The following ANGPT1 variants were observed in gnomAD, a reference collection of about 807,000 sequenced individuals.
The protein encoded by ANGPT1 is angiopoietin-1.
Under a neutral mutation model 62.2 loss-of-function variants are expected in ANGPT1, and 17 were observed. That is an observed-to-expected ratio of 0.27 (90% confidence interval 0.19 to 0.41). The LOEUF is 0.41. ANGPT1 is among the 10% of genes least tolerant of loss of function. The pLI is 1.00. For missense variants in ANGPT1, 478 were observed against 594.9 expected, an observed-to-expected ratio of 0.80 and a Z score of 2.04; for synonymous variants, 199 against 198.9, an observed-to-expected ratio of 1.00 and a Z score of 0.00.
At chr8:107,391,855 G>T (rs1385630186) in intron 1 of ANGPT1, among the ~76,000 whole-genome samples, 2 of 152,104 alleles carry the variant, frequency 1.3e-5, no homozygotes, top group Non-Finnish European at 2.9e-5. Flanking sequence ...GTGTGAATTT[G>T]TGTATCTAAA....
rs377164980 is a variant in ANGPT1 at position 107,443,946 on chromosome 8, T to A, written c.297+53316A>T. Among the ~76,000 whole-genome samples, 52 of 152,308 alleles carry A rather than the reference T, an allele frequency of 3.4e-4. 1 individual carries two copies. The East Asian group carries it at 5.0e-3, about 15-fold the overall frequency. ...AACACAAAATGAATTCTCGTTAATG[T>A]CTTCTCTCAGATTTTAAGTACAGAT... On this transcript the variant is annotated intron_variant, in intron 1 of 8. Transcript: ENST00000517746.
intron 5 of ANGPT1, chr8:107,294,765 T>C (rs114954924): frequency 2.0e-5 from 3 of 152,284 alleles, no homozygotes; most frequent in Non-Finnish European, 2.9e-5. Flanking sequence ...CAAAATACAA[T>C]GGTATTTATT....
intron 1 of ANGPT1, among the ~76,000 whole-genome samples, chr8:107,383,736 T>A (rs1402112073): frequency 6.6e-6 from 1 of 152,158 alleles, no homozygotes; most frequent in Non-Finnish European, 1.5e-5. Context: ...ATTTTATATA[T>A]GAAAGGTTGA....
chr8:107,451,318 C>CAG (rs1036699923), intron 1 of ANGPT1, among the ~76,000 whole-genome samples: 2 of 149,764 alleles, frequency 1.3e-5, no homozygotes, highest in African/African-American at 4.9e-5. Context: ...ACATAACAGA[C>CAG]ACACACACAC....
chr8:107,458,901 C>G (rs1266202100), intron 1 of ANGPT1, among the ~76,000 whole-genome samples: 1 of 152,004 alleles, frequency 6.6e-6, no homozygotes, highest in Non-Finnish European at 1.5e-5. Context: ...ACTAGGGCCC[C>G]AAAAGTTTAA....
intron 3 of ANGPT1, among the ~76,000 whole-genome samples, chr8:107,326,791 A>C (rs1815300638): frequency 6.6e-6 from 1 of 152,166 alleles, no homozygotes; most frequent in African/African-American, 2.4e-5. Flanking sequence ...ACAGACCCTC[A>C]TGGATAGGTA....
intron 3 of ANGPT1, among the ~76,000 whole-genome samples, chr8:107,331,701 G>A (rs577723850): frequency 5.3e-5 from 8 of 152,232 alleles, no homozygotes; most frequent in Non-Finnish European, 1.2e-4. Context: ...GTAAGTTAAA[G>A]CACCTGGCAC....
intron 7 of ANGPT1, among the ~76,000 whole-genome samples, chr8:107,272,045 T>C (rs1813748473): frequency 6.6e-6 from 1 of 151,998 alleles, no homozygotes; most frequent in South Asian, 2.1e-4. Flanking sequence ...GGGAACTGGA[T>C]AATTGGGAAT....
intron 1 of ANGPT1, among the ~76,000 whole-genome samples, chr8:107,470,944 G>C (rs1812341186): frequency 6.6e-6 from 1 of 152,136 alleles, no homozygotes; most frequent in Non-Finnish European, 1.5e-5. Flanking sequence ...TTACACTGTT[G>C]GTGGGAGTGT....
chr8:107,407,184 T>G (rs1309571440), intron 1 of ANGPT1, among the ~76,000 whole-genome samples: 1 of 152,120 alleles, frequency 6.6e-6, no homozygotes, highest in Non-Finnish European at 1.5e-5. Flanking sequence ...TGAATGAGAT[T>G]GTTCTATGTT....
intron 1 of ANGPT1, among the ~76,000 whole-genome samples, chr8:107,383,985 C>T (rs1322524580): frequency 3.3e-5 from 5 of 152,104 alleles, no homozygotes; most frequent in African/African-American, 9.7e-5. Flanking sequence ...TTCATCTAAA[C>T]TTACTCTTAA....
intron 3 of ANGPT1, among the ~76,000 whole-genome samples, chr8:107,330,360 G>T (rs907633343): frequency 2.6e-5 from 4 of 152,124 alleles, no homozygotes; most frequent in African/African-American, 4.8e-5. Flanking sequence ...AGGAATCAAG[G>T]AAAAGTGAAA....
chr8:107,470,533 C>T lies in ANGPT1; in HGVS notation c.297+26729G>A, dbSNP rs533734160. Among the ~76,000 whole-genome samples, 20 of 152,092 alleles carry T rather than the reference C, an allele frequency of 1.3e-4. No individual in the cohort carries two copies. The South Asian group carries it at 3.1e-3, about 24-fold the overall frequency. On this transcript the variant is annotated intron_variant, in intron 1 of 8. Transcript: ENST00000517746. ...TTCTTTGTAGATTCTAGATATTAGC[C>T]CTTTGTCAGATGGATAGATTGCAAA...
At chr8:107,353,522 T>C (rs142106260) in intron 1 of ANGPT1, among the ~76,000 whole-genome samples, 159 of 152,328 alleles carry the variant, frequency 1.0e-3, no homozygotes, top group Non-Finnish European at 2.0e-3. Flanking sequence ...TTCAGGGGTC[T>C]TGACTTTCTT....
intron 1 of ANGPT1, among the ~76,000 whole-genome samples, chr8:107,351,758 C>T (rs1815937919): frequency 6.6e-6 from 1 of 151,890 alleles, no homozygotes; most frequent in African/African-American, 2.4e-5. Flanking sequence ...TCATTAAAGT[C>T]CTCTCATTAG....
chr8:107,341,100 G>A (rs1197538889), intron 2 of ANGPT1, among the ~76,000 whole-genome samples: 1 of 152,154 alleles, frequency 6.6e-6, no homozygotes, highest in African/African-American at 2.4e-5. Context: ...GCAGTGATAT[G>A]GAGGTTATAA....
At chr8:107,357,369 A>C in intron 1 of ANGPT1, among the ~76,000 whole-genome samples, 1 of 152,200 alleles carries the variant, frequency 6.6e-6, no homozygotes, top group Non-Finnish European at 1.5e-5. Context: ...ATACTGTTTC[A>C]AACAAAATTG....
At chr8:107,281,586 G>A (rs1814005264) in intron 7 of ANGPT1, among the ~76,000 whole-genome samples, 2 of 152,030 alleles carry the variant, frequency 1.3e-5, no homozygotes, top group South Asian at 2.1e-4. Context: ...AGTCCATCCT[G>A]GCTAACACGG....
At chr8:107,440,091 T>A (rs918712905) in intron 1 of ANGPT1, among the ~76,000 whole-genome samples, 5 of 152,220 alleles carry the variant, frequency 3.3e-5, no homozygotes, top group Admixed American at 6.5e-5. Flanking sequence ...TAAGTAAAGA[T>A]GTTCCATAAA....
Sources: gnomAD v4.1 joint callset for allele counts (sites outside exome capture counted in the v4.1 genomes callset) on GRCh38, gnomAD v4.1.1 for gene constraint, MANE v1.5 for transcripts, NCBI Gene and HGNC (gene_info 2026-07-23, HGNC 2026-07-21) for gene names.